ITGA10: variants seen among roughly 807,000 people sequenced by gnomAD.
ITGA10 encodes integrin subunit alpha 10, also known as integrin alpha-10.
In ITGA10, 105 loss-of-function variants were observed where a neutral mutation model predicts 145.2. The ratio of observed to expected loss-of-function variants is 0.72; its 90% confidence interval spans 0.62 to 0.85. The LOEUF (loss-of-function observed/expected upper bound fraction) is 0.85, where lower values mean the gene tolerates loss of function less well. Among genes scored for constraint, ITGA10 ranks in the 40% least tolerant of loss-of-function variants. The probability of loss-of-function intolerance (pLI) is 0.00; values close to 1 mark genes in which losing one functional copy is unlikely to be tolerated. For synonymous variants in ITGA10, 506 were observed against 557.8 expected (o/e 0.91, Z 1.31); for missense variants, 1,317 against 1,444.5 (o/e 0.91, Z 1.43).
chr1:145,900,506 G>C (rs1346264096), intron 14 of ITGA10, among the ~76,000 whole-genome samples: 2 of 151,888 alleles, frequency 1.3e-5, no homozygotes, highest in South Asian at 2.1e-4. Flanking sequence ...CAGGTGATCT[G>C]CCTGCCTCAG....
At chr1:145,906,012 TG>T (rs1657084818) in intron 5 of ITGA10, 1 of 192,026 alleles carries the variant, frequency 5.2e-6, no homozygotes, top group East Asian at 1.4e-4. Context: ...CTCCACCTCC[TG>T]GGTTGAAGTG....
chr1:145,906,673 C>T (rs1657182137), intron 4 of ITGA10, 60 bp downstream of exon 4: 5 of 1,436,812 alleles, frequency 3.5e-6, no homozygotes, highest in Non-Finnish European at 4.9e-6. Flanking sequence ...CCTTACCACA[C>T]TTCTCTTTTT....
In ITGA10 at chr1:145,907,375, T is replaced by C; in HGVS notation, c.143A>G (p.His48Arg). The C allele has an allele frequency of 6.2e-7, 1 of 1,614,120 alleles. No individual in the cohort carries two copies. ...TCACCATCGCTGTCCACCCCCAACA[T>C]GTTGTAAGACACTGTATCCAAATTC... ...EAEFGYSVLQ[H>R]VGGGQRWMLV... The change falls in exon 2 of 30, where the codon CAT (histidine) becomes CGT (arginine). Residue 48 changes from histidine to arginine, a missense_variant. Transcript: ENST00000369304.
intron 28 of ITGA10, 121 bp downstream of exon 28, chr1:145,893,419 G>T: frequency 1.1e-6 from 1 of 937,756 alleles, no homozygotes; most frequent in Non-Finnish European, 1.7e-6. Context: ...TGGCGGCAGT[G>T]GAACACTAGG....
chr1:145,895,668 G>C lies in ITGA10; in HGVS notation c.3077C>G (p.Pro1026Arg). Residue 1026 changes from proline (P) to arginine (R), a missense_variant, in exon 26 of 30, where the codon CCT becomes CGT. Coordinates refer to ENST00000369304, the MANE Select transcript of ITGA10 (RefSeq NM_003637.5). Reference sequence around the variant, plus strand: ...GTGTTGAAGCTCCTCTGGATGCACAGGTGGGCCTGGGGGTTCAGTCAGGTT... The same window carrying C: ...GTGTTGAAGCTCCTCTGGATGCACACGTGGGCCTGGGGGTTCAGTCAGGTT... The part of the protein sequence containing the change: ...VQNLTEPPGP[P>R]VHPEELQHTN... 1 of 1,614,248 alleles carries C rather than the reference G, an allele frequency of 6.2e-7. No homozygotes were observed. The highest frequency in any genetic ancestry group is 8.5e-7 in the Non-Finnish European group (1 of 1,180,040).
At chr1:145,899,564 A>G (rs1655941651) in intron 15 of ITGA10, among the ~76,000 whole-genome samples, 1 of 151,218 alleles carries the variant, frequency 6.6e-6, no homozygotes, top group African/African-American at 2.4e-5. Context: ...GCTGGAGTGC[A>G]GTGGGGCGAT....
At position 145,901,250 on chromosome 1, in the gene ITGA10, C is replaced by T; in HGVS notation, c.1472G>A (p.Cys491Tyr). Residue 491 changes from cysteine (C) to tyrosine (Y), a missense_variant, in exon 13 of 30, where the codon TGC becomes TAC. By Grantham distance (194) the Cys-to-Tyr change is radical. Coordinates refer to ENST00000369304, the MANE Select transcript of ITGA10 (RefSeq NM_003637.5). The surrounding 1 kb of genome is among the most constrained non-coding windows in gnomAD (Gnocchi z 4.3). ...QIGSYFGSEL[C>Y]PLDTDRDGTT... Reference sequence around the variant, plus strand: ...TCCATCCCTATCTGTATCCAATGGGCAGAGCTCACTGCCAAAGTATGAACC... The same window carrying T: ...TCCATCCCTATCTGTATCCAATGGGTAGAGCTCACTGCCAAAGTATGAACC... 3 of 1,614,074 alleles carry T rather than the reference C, an allele frequency of 1.9e-6. No homozygotes were observed. Among genetic ancestry groups the T allele is most frequent in the Non-Finnish European group, 2.5e-6 (3 of 1,180,010 alleles).
At position 145,907,133 on chromosome 1, in the gene ITGA10, G is replaced by C. The variant is rs782209017; in HGVS notation, c.182C>G (p.Pro61Arg). Residue 61 changes from proline (P) to arginine (R), a missense_variant, in exon 3 of 30, where the codon CCC becomes CGC. Coordinates refer to ENST00000369304, the MANE Select transcript of ITGA10 (RefSeq NM_003637.5). Reference sequence around the variant, plus strand: ...CCGGTCGCCTGAAGGCCCATCCCAGGGGGCGCCCACCAGCATCCTGGGAAG... The same window carrying C: ...CCGGTCGCCTGAAGGCCCATCCCAGCGGGCGCCCACCAGCATCCTGGGAAG... ...GGQRWMLVGA[P>R]WDGPSGDRRG... is the part of the protein sequence containing the mutation. 2 of 1,561,124 alleles carry C rather than the reference G, an allele frequency of 1.3e-6. No homozygotes were observed. Among genetic ancestry groups the C allele is most frequent in the Non-Finnish European group, 8.7e-7 (1 of 1,151,986 alleles).
Position 145,896,041 on chromosome 1 carries a change from G to GCCCC in ITGA10, c.2974_2975insGGGG (p.Pro992ArgfsTer20). Reference sequence around the variant, plus strand: ...GTAATTGCCCCCATGGGCCACAGCTGGAAGGAGGGCTGAGATGATGAGGCC... The same window carrying GCCCC: ...GTAATTGCCCCCATGGGCCACAGCTGCCCCGAAGGAGGGCTGAGATGATGAGGCC... On this transcript the variant is annotated frameshift_variant, in exon 25 of 30. Transcript: ENST00000369304. LOFTEE classifies it high-confidence loss of function. 1 of 1,614,136 alleles carries GCCCC rather than the reference G, an allele frequency of 6.2e-7. No homozygotes were observed.
Position 145,901,412 on chromosome 1 carries a change from C to T in ITGA10, c.1443+104G>A, listed in dbSNP as rs1316968624. On this transcript the variant is annotated intron_variant, in intron 12 of 29. Coordinates refer to ENST00000369304, the MANE Select transcript of ITGA10 (RefSeq NM_003637.5). The surrounding 1 kb of genome is among the most constrained non-coding windows in gnomAD (Gnocchi z 4.3). ...TGACAGACTCTGCCAACCAGAATTC[C>T]GCACAGACTTTGGAGGCCTCTCTCT... 2.9e-5 allele frequency: 43 copies of T among 1,483,396 alleles called. No individual in the cohort carries two copies. The highest frequency in any genetic ancestry group is 2.3e-4 in the Middle Eastern group (1 of 4,290). The allele number at this position is 1,483,396 out of a possible 1,614,324, so 91.9% of individuals were successfully genotyped here. A position where few individuals can be genotyped will look rare whatever the true frequency, so the allele number is the denominator to read the frequency against.
At chr1:145,907,592 G>T in intron 1 of ITGA10, 127 bp from the exon 2 acceptor site, 1 of 1,490,104 alleles carries the variant, frequency 6.7e-7, no homozygotes, top group Non-Finnish European at 8.9e-7. Context: ...AAGCTTTTCT[G>T]GCCTCTCTCA....
chr1:145,898,399 C>T (rs1036302867), intron 17 of ITGA10, among the ~76,000 whole-genome samples, 176 bp from the exon 18 acceptor site: 12 of 152,148 alleles, frequency 7.9e-5, no homozygotes, highest in Admixed American at 2.0e-4. Flanking sequence ...GACAGAGTCT[C>T]GCTCTGTCGC....
chr1:145,895,893 C>T, intron 25 of ITGA10, 90 bp downstream of exon 25: 1 of 1,125,192 alleles, frequency 8.9e-7, no homozygotes, highest in Non-Finnish European at 1.3e-6. Flanking sequence ...AGCAGAGGCC[C>T]AACAGATAGG....
chr1:145,909,053 G>A (rs1219531999), intron 1 of ITGA10, among the ~76,000 whole-genome samples: 3 of 151,802 alleles, frequency 2.0e-5, no homozygotes, highest in East Asian at 1.9e-4. Flanking sequence ...CTATAATCCC[G>A]GCACTTTGGG....
At position 145,900,796 on chromosome 1, in the gene ITGA10, A is replaced by C. The variant is rs782578597; in HGVS notation, c.1785T>G (p.Pro595=). The C allele has an allele frequency of 1.2e-6, 2 of 1,614,160 alleles. No individual in the cohort carries two copies. Among genetic ancestry groups the C allele is most frequent in the Admixed American group, 3.3e-5 (2 of 60,014 alleles). ...HGTQSGVRPH[P]AQRIAAASMP... ...TTATTTGGGTACTCCTGACCTGGGCAGGATGGGGCCTGACTCCACTCTGGG... is the reference window on the plus strand; with the variant it reads ...TTATTTGGGTACTCCTGACCTGGGCCGGATGGGGCCTGACTCCACTCTGGG... Residue 595 remains proline (P), a synonymous_variant, in exon 14 of 30, where the codon CCT becomes CCG. Coordinates refer to ENST00000369304, the MANE Select transcript of ITGA10 (RefSeq NM_003637.5).
intron 23 of ITGA10, 84 bp downstream of exon 23, chr1:145,896,685 T>C (rs1655452120): frequency 2.6e-6 from 3 of 1,165,610 alleles, no homozygotes; most frequent in Non-Finnish European, 3.9e-6. Context: ...TTGGAAAAAC[T>C]GAGGCACATG....
chr1:145,897,261 G>C lies in ITGA10; in HGVS notation c.2653C>G (p.Gln885Glu), dbSNP rs1335434105. Residue 885 changes from glutamine to glutamate, a missense_variant, in exon 21 of 30, where the codon CAG becomes GAG. Physicochemically the swap from Gln to Glu is conservative, Grantham distance 29 (BLOSUM62 2). Transcript: ENST00000369304. ...CCCCAACCCACCTTGGCTCCAGTCT[G>C]GAAGACAGGATGCCCCACACTGCAG... ...RLCSVGHPVF[Q>E]TGAKVTFLLE... 6.2e-7 allele frequency: 1 copy of C among 1,613,888 alleles called. No homozygotes were observed. Among genetic ancestry groups the C allele is most frequent in the Non-Finnish European group, 8.5e-7 (1 of 1,179,952 alleles).
At chr1:145,902,422 C>T (rs1328088221) in intron 9 of ITGA10, 32 bp downstream of exon 9, 41 of 1,609,606 alleles carry the variant, frequency 2.5e-5, no homozygotes, top group East Asian at 4.5e-5. Flanking sequence ...GAACTTCTCC[C>T]GCCCTGTCCA....
intron 17 of ITGA10, 134 bp downstream of exon 17, chr1:145,898,802 C>T: frequency 1.8e-6 from 2 of 1,097,150 alleles, no homozygotes; most frequent in Non-Finnish European, 2.6e-6. Context: ...CAGATCAGCC[C>T]TGACTCCAAA....
Sources: gnomAD v4.1 joint callset for allele counts (sites outside exome capture counted in the v4.1 genomes callset) on GRCh38, gnomAD v4.1.1 for gene constraint, Gnocchi (gnomAD v3.1) non-coding constraint, MANE v1.5 for transcripts, NCBI Gene and HGNC (gene_info 2026-07-23, HGNC 2026-07-21) for gene names.